MARCHF6: variants seen among roughly 807,000 people sequenced by gnomAD.
The protein encoded by MARCHF6 is E3 ubiquitin-protein ligase MARCHF6.
In MARCHF6, 31 loss-of-function variants were observed where a neutral mutation model predicts 133.7. The observed-to-expected ratio is 0.23, with a 90% CI of 0.17 to 0.31. MARCHF6 has a LOEUF of 0.31. Ranked by LOEUF, MARCHF6 falls within the 10% of genes least tolerant of loss-of-function variation. The pLI is 1.00. For synonymous variants in MARCHF6, 395 were observed against 402.5 expected (o/e 0.98, Z 0.22); for missense variants, 723 against 1,121.6 (o/e 0.64, Z 5.08).
At chr5:10,373,671 C>T (rs938556320) in intron 1 of MARCHF6, among the ~76,000 whole-genome samples, 9 of 152,140 alleles carry the variant, frequency 5.9e-5, no homozygotes, top group African/African-American at 1.4e-4. Context: ...CAGCGTCCCA[C>T]GGGTGGGACA....
intron 4 of MARCHF6, among the ~76,000 whole-genome samples, chr5:10,382,639 C>A (rs1224191545): frequency 3.3e-5 from 5 of 152,042 alleles, no homozygotes; most frequent in Non-Finnish European, 7.4e-5. Context: ...TCCAGCTGAC[C>A]AACAAGGTGA....
At position 10,436,511 on chromosome 5, in the gene MARCHF6, A is replaced by G. The variant is rs1229479131; in HGVS notation, c.*2827A>G. 6.6e-6 allele frequency: 1 copy of G among 152,008 alleles called. No homozygotes were observed. Among genetic ancestry groups the G allele is most frequent in the Admixed American group, 6.6e-5 (1 of 15,248 alleles). The allele number at this position is 152,008 out of a possible 1,614,324, so 9.4% of individuals were successfully genotyped here. A position where few individuals can be genotyped will look rare whatever the true frequency, so the allele number is the denominator to read the frequency against. ...TTAAATTATACTATTATTTTGCTTA[A>G]TTTTATATTGGGTTAAAACAACCTT... is the stretch of plus-strand genomic sequence containing the variant. On this transcript the variant is annotated 3_prime_UTR_variant, in exon 26 of 26. Transcript: ENST00000274140.
chr5:10,390,594 C>T, intron 6 of MARCHF6, 94 bp downstream of exon 6: 2 of 1,175,332 alleles, frequency 1.7e-6, no homozygotes, highest in Non-Finnish European at 2.4e-6. Context: ...CCATGTCCCT[C>T]ATAAACATTC....
chr5:10,403,377 A>T (rs867927888), intron 14 of MARCHF6, 30 bp from the exon 15 acceptor site: 1 of 1,593,108 alleles, frequency 6.3e-7, no homozygotes. Flanking sequence ...GGGGGCACAG[A>T]TTTCTCTTAC....
chr5:10,368,096 G>A (rs1736242475), intron 1 of MARCHF6, among the ~76,000 whole-genome samples: 1 of 152,210 alleles, frequency 6.6e-6, no homozygotes, highest in Non-Finnish European at 1.5e-5. Context: ...TTTAAGCTGA[G>A]CCCTTTGTAG....
At position 10,426,279 on chromosome 5, in the gene MARCHF6, A is replaced by G. The variant is rs545494430; in HGVS notation, c.2374-111A>G. The G allele has an allele frequency of 3.9e-4, 476 of 1,222,936 alleles. 8 individuals carry two copies. In the South Asian group the frequency reaches 6.6e-3, roughly 17 times the overall value. 75.8% of individuals were successfully genotyped at this position (1,222,936 alleles called of 1,614,324 possible). ...ATTTGCCTTGACTTTAGAAGAAGTA[A>G]CCAGTTTGACTATTTTTGGGTTGGC... On this transcript the variant is annotated intron_variant, in intron 23 of 25. Transcript: ENST00000274140.
In MARCHF6 at chr5:10,417,251, G is replaced by T. The variant is rs1416578802; in HGVS notation, c.2149-19G>T. The T allele has an allele frequency of 3.8e-6, 6 of 1,597,506 alleles. No individual in the cohort carries two copies. The South Asian group carries it at 5.7e-5, about 15-fold the overall frequency. On this transcript the variant is annotated intron_variant, in intron 21 of 25. Coordinates refer to ENST00000274140, the MANE Select transcript of MARCHF6 (RefSeq NM_005885.4). ...CAGAAAGATCCTCTTTAATGATGTGGGCTCCTGTTTCCTAATAGATCATGA... is the reference window on the plus strand; with the variant it reads ...CAGAAAGATCCTCTTTAATGATGTGTGCTCCTGTTTCCTAATAGATCATGA...
intron 16 of MARCHF6, among the ~76,000 whole-genome samples, chr5:10,406,706 TAAAG>T (rs1554023930): frequency 6.6e-6 from 1 of 152,220 alleles, no homozygotes; most frequent in Non-Finnish European, 1.5e-5. Flanking sequence ...ATAAAATTCT[TAAAG>T]TAACATTATG....
chr5:10,390,859 C>T (rs1028811061), intron 6 of MARCHF6, among the ~76,000 whole-genome samples: 13 of 152,230 alleles, frequency 8.5e-5, no homozygotes, highest in African/African-American at 2.9e-4. Flanking sequence ...GTATTTTCAT[C>T]CCTGATGCTG....
rs200333958 is a variant in MARCHF6, at chr5:10,426,458, C to A, written c.2442C>A (p.Ile814=). The A allele has an allele frequency of 1.1e-5, 17 of 1,614,178 alleles. No homozygotes were observed. In the East Asian group the frequency reaches 2.5e-4, roughly 23 times the overall value. ...YIVRKLAAPV[I]SVLLLSLCVP... ...TTCGTAAACTGGCAGCTCCCGTGAT[C>A]TCTGTGCTGTTGCTTTCCCTGTGTG... The change falls in exon 24 of 26, where the codon ATC becomes ATA. Residue 814 remains isoleucine, a synonymous_variant. Coordinates refer to ENST00000274140, the MANE Select transcript of MARCHF6 (RefSeq NM_005885.4).
intron 1 of MARCHF6, among the ~76,000 whole-genome samples, chr5:10,356,424 C>G (rs763319240): frequency 3.2e-5 from 4 of 125,864 alleles, no homozygotes; most frequent in Non-Finnish European, 6.9e-5. Context: ...GAGATGGAGT[C>G]TTGCCCTGTT....
chr5:10,388,347 C>G (rs1277973105), intron 5 of MARCHF6, among the ~76,000 whole-genome samples: 1 of 152,150 alleles, frequency 6.6e-6, no homozygotes, highest in Non-Finnish European at 1.5e-5. Flanking sequence ...TTTACACTCT[C>G]TATAGAATTT....
intron 25 of MARCHF6, among the ~76,000 whole-genome samples, chr5:10,431,090 TAG>T (rs1047837074): frequency 2.0e-5 from 3 of 152,230 alleles, no homozygotes; most frequent in African/African-American, 7.2e-5. Flanking sequence ...CAACAAATTA[TAG>T]AGTTACCTTA....
At chr5:10,390,208 T>G in intron 5 of MARCHF6, 124 bp from the exon 6 acceptor site, 1 of 743,988 alleles carries the variant, frequency 1.3e-6, no homozygotes, top group South Asian at 1.8e-5. Flanking sequence ...TCCAAAAAAT[T>G]ATGATTTATT....
chr5:10,381,791 C>T lies in MARCHF6; in HGVS notation c.191-9C>T, dbSNP rs767352203. 4.7e-5 allele frequency: 73 copies of T among 1,554,702 alleles called. No individual in the cohort carries two copies. Among genetic ancestry groups the T allele is most frequent in the South Asian group, 1.5e-4 (12 of 81,040 alleles). On this transcript the variant is annotated splice_polypyrimidine_tract_variant and intron_variant, in intron 3 of 25. Transcript: ENST00000274140. ...CATGAAACTGTAAGTACTTTTTTTC[C>T]GCTTATAGTTTATTCTCCAGATATG...
intron 16 of MARCHF6, among the ~76,000 whole-genome samples, chr5:10,406,361 G>A (rs938602510): frequency 6.6e-6 from 1 of 151,630 alleles, no homozygotes; most frequent in African/African-American, 2.4e-5. Context: ...CCACCCAGAA[G>A]AAGAAATTAC....
intron 4 of MARCHF6, among the ~76,000 whole-genome samples, chr5:10,386,278 A>G (rs919966827): frequency 4.6e-5 from 7 of 152,192 alleles, no homozygotes; most frequent in Admixed American, 1.3e-4. Context: ...ACAAGGCTAT[A>G]TAGGGAATGC....
chr5:10,364,533 A>C (rs999582274), intron 1 of MARCHF6, among the ~76,000 whole-genome samples: 1 of 152,214 alleles, frequency 6.6e-6, no homozygotes, highest in Non-Finnish European at 1.5e-5. Flanking sequence ...AAAAGAAAAG[A>C]AAAGCTTAGC....
At chr5:10,395,261 G>A (rs1738122869) in intron 9 of MARCHF6, among the ~76,000 whole-genome samples, 1 of 152,000 alleles carries the variant, frequency 6.6e-6, no homozygotes, top group African/African-American at 2.4e-5. Context: ...AAGCATAAAG[G>A]TAATATTTTT....
Sources: gnomAD v4.1 joint callset for allele counts (sites outside exome capture counted in the v4.1 genomes callset) on GRCh38, gnomAD v4.1.1 for gene constraint, MANE v1.5 for transcripts, NCBI Gene and HGNC (gene_info 2026-07-23, HGNC 2026-07-21) for gene names.